Variants in ARHGEF18 observed in about 807,000 individuals in gnomAD.
The protein encoded by ARHGEF18 is Rho/Rac guanine nucleotide exchange factor 18.
In ARHGEF18, 93 loss-of-function variants were observed where a neutral mutation model predicts 155.7. The ratio of observed to expected loss-of-function variants is 0.60; its 90% CI spans 0.50 to 0.71. ARHGEF18 has a LOEUF of 0.71. Ranked by LOEUF, ARHGEF18 falls within the 30% of genes least tolerant of loss-of-function variation. The pLI, the probability that ARHGEF18 is intolerant of heterozygous loss-of-function variation, is 0.00. For missense variants in ARHGEF18, 1,593 were observed against 1,816.1 expected (o/e 0.88, Z 2.23); for synonymous variants, 742 against 753.1 (o/e 0.99, Z 0.24).
chr19:7,464,359 A>G (rs1442934791), intron 22 of ARHGEF18, among the ~76,000 whole-genome samples: 1 of 151,668 alleles, frequency 6.6e-6, no homozygotes, highest in Non-Finnish European at 1.5e-5. Context: ...ACCTTCTGAA[A>G]CCCTCCAGAC....
intron 22 of ARHGEF18, 38 bp from the exon 23 acceptor site, chr19:7,464,522 A>T (rs780523058): frequency 1.3e-6 from 2 of 1,584,592 alleles, no homozygotes; most frequent in Non-Finnish European, 1.7e-6. Flanking sequence ...TCCCCACGGG[A>T]TGGCAGCATC....
chr19:7,437,639 C>CTT lies in ARHGEF18; in HGVS notation c.968-2696_968-2695dup, dbSNP rs748609658. 1.5e-4 allele frequency among the ~76,000 whole-genome samples: 10 copies of CTT among 68,684 alleles called. 1 individual carries two copies. Among genetic ancestry groups the CTT allele is most frequent in the Admixed American group, 1.2e-3 (8 of 6,456 alleles). The allele number at this position is 68,684 out of a possible 152,430, so 45.1% of individuals were successfully genotyped here. A position where few individuals can be genotyped will look rare whatever the true frequency, so the allele number is the denominator to read the frequency against. On this transcript the variant is annotated intron_variant, in intron 10 of 28. Coordinates refer to ENST00000668164, the MANE Select transcript of ARHGEF18 (RefSeq NM_001367823.1). ...GGAGGCCACAGGACAGATCAGATTT[C>CTT]TTTTTTTTTTCTTTTTTTTTGTGAG...
intron 10 of ARHGEF18, among the ~76,000 whole-genome samples, chr19:7,388,828 C>A (rs993310912): frequency 6.6e-6 from 1 of 151,852 alleles, no homozygotes; most frequent in East Asian, 1.9e-4. Flanking sequence ...TGATCCACCC[C>A]CCTCAGCCTT....
intron 10 of ARHGEF18, among the ~76,000 whole-genome samples, chr19:7,414,025 A>G (rs547003038): frequency 6.6e-6 from 1 of 152,296 alleles, no homozygotes; most frequent in South Asian, 2.1e-4. Flanking sequence ...CGGGATGCTT[A>G]GATTCCTGCG....
At chr19:7,456,980 C>A (rs996162462) in intron 18 of ARHGEF18, among the ~76,000 whole-genome samples, 1 of 152,126 alleles carries the variant, frequency 6.6e-6, no homozygotes, top group African/African-American at 2.4e-5. Context: ...AAGTGATCCT[C>A]CCGCCTTGGC....
intron 10 of ARHGEF18, among the ~76,000 whole-genome samples, chr19:7,434,248 C>G (rs1600424778): frequency 6.6e-6 from 1 of 152,026 alleles, no homozygotes; most frequent in African/African-American, 2.4e-5. Context: ...CTCAGCCTCC[C>G]GAAGTGCTGG....
In ARHGEF18 at chr19:7,470,594, AG is replaced by A. The variant is rs2145926519; in HGVS notation, c.*297del. On this transcript the variant is annotated 3_prime_UTR_variant, in exon 29 of 29. Coordinates refer to ENST00000668164, the MANE Select transcript of ARHGEF18 (RefSeq NM_001367823.1). This position sits in a 1 kb window ranked among gnomAD's most constrained non-coding sequence, Gnocchi z 5.9. ...AAACCAGGGAGCTGTCTGAAATCAT[AG>A]CACCCCATCCGGGTGGCGGGGAGAT... 2 of 397,136 alleles carry A rather than the reference AG, an allele frequency of 5.0e-6. 1 individual carries two copies. The highest frequency in any genetic ancestry group is 2.8e-4 in the South Asian group (2 of 7,070). The allele number at this position is 397,136 out of a possible 1,614,324, so 24.6% of individuals were successfully genotyped here. A position where few individuals can be genotyped will look rare whatever the true frequency, so the allele number is the denominator to read the frequency against.
intron 10 of ARHGEF18, among the ~76,000 whole-genome samples, chr19:7,409,503 C>G (rs1253406376): frequency 6.7e-6 from 1 of 150,216 alleles, no homozygotes; most frequent in Non-Finnish European, 1.5e-5. Flanking sequence ...TCTCGGCTCA[C>G]TGTAACCTCC....
intron 10 of ARHGEF18, among the ~76,000 whole-genome samples, chr19:7,418,819 A>C (rs1973159555): frequency 6.6e-6 from 1 of 151,856 alleles, no homozygotes; most frequent in South Asian, 2.1e-4. Flanking sequence ...TGAAGGTGGC[A>C]CTCATTGACG....
Position 7,467,476 on chromosome 19 carries a change from G to T in ARHGEF18, c.3272G>T (p.Arg1091Leu). The part of the protein sequence containing the change: ...LERAGARLQE[R>L]EGEARQLRER... ...CGTGCGGGCGCGCGGCTGCAGGAGC[G>T]CGAGGGCGAGGCGCGGCAGCTACGC... The change falls in exon 26 of 29, where the codon CGC becomes CTC. Residue 1091 changes from arginine (R) to leucine (L), a missense_variant. By Grantham distance (102) the Arg-to-Leu change is moderately radical. Coordinates refer to ENST00000668164, the MANE Select transcript of ARHGEF18 (RefSeq NM_001367823.1). The T allele has an allele frequency of 1.4e-6, 2 of 1,469,330 alleles. No homozygotes were observed. Among genetic ancestry groups the T allele is most frequent in the East Asian group, 2.7e-5 (1 of 37,656 alleles). 91.0% of individuals were successfully genotyped at this position (1,469,330 alleles called of 1,614,324 possible).
At chr19:7,464,530 A>G (rs1038754532) in intron 22 of ARHGEF18, 30 bp from the exon 23 acceptor site, 1 of 1,593,606 alleles carries the variant, frequency 6.3e-7, no homozygotes, top group Non-Finnish European at 8.6e-7. Flanking sequence ...GGATGGCAGC[A>G]TCCTCATGCC....
rs923630180 is a variant in ARHGEF18, at chr19:7,440,155, G to T, written c.968-189G>T. ...GACAGGCACAGCGCGCTCCCCGGCC[G>T]CCCCGAGCTGTCTTTTTACGGCTCT... On this transcript the variant is annotated intron_variant, in intron 10 of 28. Coordinates refer to ENST00000668164, the MANE Select transcript of ARHGEF18 (RefSeq NM_001367823.1). This position sits in a 1 kb window ranked among gnomAD's most constrained non-coding sequence, Gnocchi z 5.4. 1.9e-6 allele frequency: 3 copies of T among 1,551,256 alleles called. No individual in the cohort carries two copies. Among genetic ancestry groups the T allele is most frequent in the Non-Finnish European group, 2.6e-6 (3 of 1,146,942 alleles).
rs1415111329 is a variant in ARHGEF18 at position 7,458,497 on chromosome 19, C to T, written c.2182-15C>T. 1 of 1,612,502 alleles carries T rather than the reference C, an allele frequency of 6.2e-7. No homozygotes were observed. The highest frequency in any genetic ancestry group is 8.5e-7 in the Non-Finnish European group (1 of 1,178,912). On this transcript the variant is annotated splice_polypyrimidine_tract_variant and intron_variant, in intron 18 of 28. Transcript: ENST00000668164. ...GGGTAAAGGGTGACCTCCCCAATGC[C>T]CTCTACTCATGCAGGACTCAAAGCC... is the stretch of plus-strand genomic sequence containing the variant.
chr19:7,421,580 G>T (rs750338142), intron 10 of ARHGEF18, among the ~76,000 whole-genome samples: 1 of 152,084 alleles, frequency 6.6e-6, no homozygotes, highest in Non-Finnish European at 1.5e-5. Context: ...GGCCAAACAT[G>T]GTGAAAACCC....
At chr19:7,423,130 C>A (rs1316006194) in intron 10 of ARHGEF18, among the ~76,000 whole-genome samples, 1 of 152,100 alleles carries the variant, frequency 6.6e-6, no homozygotes. Context: ...AGGAGCTAAG[C>A]CCCAGTTCCT....
chr19:7,399,482 T>C (rs1175658451), intron 10 of ARHGEF18, among the ~76,000 whole-genome samples: 2 of 151,008 alleles, frequency 1.3e-5, no homozygotes, highest in Admixed American at 6.6e-5. Flanking sequence ...TGTTTTTTTT[T>C]CCTTCTTTTT....
At position 7,463,788 on chromosome 19, in the gene ARHGEF18, C is replaced by T. The variant is rs372745373; in HGVS notation, c.2636-30C>T. The T allele has an allele frequency of 5.4e-5, 85 of 1,581,320 alleles. No homozygotes were observed. In the African/African-American group the frequency reaches 1.1e-3, roughly 20 times the overall value. ...CCCCCAGCACACTTCCGCAGGGCGA[C>T]CCGTGCCTCCTGTCCCCTTCCTTCC... On this transcript the variant is annotated intron_variant, in intron 21 of 28. Transcript: ENST00000668164. This position sits in a 1 kb window ranked among gnomAD's most constrained non-coding sequence, Gnocchi z 5.2.
At chr19:7,386,234 C>A (rs1378507262) in intron 10 of ARHGEF18, among the ~76,000 whole-genome samples, 506 of 107,614 alleles carry the variant, frequency 4.7e-3, no homozygotes, top group South Asian at 6.8e-3. Flanking sequence ...TGCTATGTTG[C>A]AAAAAAAAAA....
Position 7,375,848 on chromosome 19 carries a change from C to T in ARHGEF18, c.404C>T (p.Thr135Ile). The change falls in exon 4 of 29, where the codon ACC (threonine) becomes ATC (isoleucine). Residue 135 changes from threonine to isoleucine, a missense_variant. Coordinates refer to ENST00000668164, the MANE Select transcript of ARHGEF18 (RefSeq NM_001367823.1). ...WTQGCLSGGG[T>I]PAESPGKECD... ...CAAGGGTGTCTCTCTGGGGGCGGGA[C>T]CCCCGCAGAGAGCCCAGGCAAGGTG... 1 of 1,234,464 alleles carries T rather than the reference C, an allele frequency of 8.1e-7. No individual in the cohort carries two copies. The highest frequency in any genetic ancestry group is 4.2e-5 in the Admixed American group (1 of 23,722). The allele number at this position is 1,234,464 out of a possible 1,614,324, so 76.5% of individuals were successfully genotyped here.
Sources: gnomAD v4.1 joint callset for allele counts (sites outside exome capture counted in the v4.1 genomes callset) on GRCh38, gnomAD v4.1.1 for gene constraint, Gnocchi (gnomAD v3.1) non-coding constraint, MANE v1.5 for transcripts, NCBI Gene and HGNC (gene_info 2026-07-23, HGNC 2026-07-21) for gene names.